The following FOCAD variants were observed in gnomAD, a reference collection of about 807,000 sequenced individuals.
FOCAD encodes the protein KIAA1797.
FOCAD carries 198 observed loss-of-function variants against 225.6 expected under a neutral mutation model. The ratio of observed to expected loss-of-function variants is 0.88; its 90% CI spans 0.78 to 0.99. FOCAD has a LOEUF of 0.99. Ranked by LOEUF, FOCAD falls within the 50% of genes least tolerant of loss-of-function variation. The probability of loss-of-function intolerance (pLI) is 0.00; values close to 1 mark genes in which losing one functional copy is unlikely to be tolerated. For missense variants in FOCAD, 2,713 were observed against 2,123.6 expected (o/e 1.28, Z -5.46); for synonymous variants, 897 against 755.0 (o/e 1.19, Z -3.08).
chr9:20,935,771 T>A (rs1020613270), intron 28 of FOCAD, among the ~76,000 whole-genome samples: 1 of 152,182 alleles, frequency 6.6e-6, no homozygotes, highest in Admixed American at 6.5e-5. Context: ...GACCGATGAT[T>A]TATGTTTCCC....
At chr9:20,832,095 G>A (rs1475909475) in intron 15 of FOCAD, among the ~76,000 whole-genome samples, 2 of 151,780 alleles carry the variant, frequency 1.3e-5, no homozygotes, top group African/African-American at 4.9e-5. Context: ...ATGAACATTT[G>A]GCTTTTTTCC....
rs752676826 is a variant in FOCAD, at chr9:20,781,735, C to A, written c.1003C>A (p.Leu335Ile). 139 of 1,613,076 alleles carry A rather than the reference C, an allele frequency of 8.6e-5. No individual in the cohort carries two copies. The highest frequency in any genetic ancestry group is 1.2e-4 in the Non-Finnish European group (136 of 1,179,646). ...ATTGTTTTGATGAATAGCTTTGAAG[C>A]TCCTCTCTGTTACTGAGGATCAGAA... ...QKPILNLALKLLSVTEDQKIP... is the reference protein window; with the variant it reads ...QKPILNLALKILSVTEDQKIP... Residue 335 changes from leucine to isoleucine, a missense_variant, in exon 10 of 44, where the codon CTC (leucine) becomes ATC (isoleucine). Transcript: ENST00000338382.
chr9:20,719,983 A>C (rs1473457209), intron 3 of FOCAD, among the ~76,000 whole-genome samples: 1 of 152,092 alleles, frequency 6.6e-6, no homozygotes, highest in Non-Finnish European at 1.5e-5. Context: ...TGTTATTGTC[A>C]TTGAAGGCTT....
intron 37 of FOCAD, among the ~76,000 whole-genome samples, chr9:20,979,800 C>G (rs1012741687): frequency 6.6e-6 from 1 of 152,176 alleles, no homozygotes; most frequent in Non-Finnish European, 1.5e-5. Flanking sequence ...TTGCTGTGCA[C>G]CTGGTACCTG....
rs76332020 is a variant in FOCAD, at chr9:20,715,797, T to G, written c.57+387T>G. ...AGACATATCCTACCCCTTATATAGA[T>G]TTTTATAATAATGATATTTAATAAG... On this transcript the variant is annotated intron_variant, in intron 2 of 43. Coordinates refer to ENST00000338382, the MANE Select transcript of FOCAD (RefSeq NM_001375567.1). Among the ~76,000 whole-genome samples, 460 of 152,210 alleles carry G rather than the reference T, an allele frequency of 3.0e-3. 2 individuals carry two copies. The highest frequency in any genetic ancestry group is 0.01 in the African/African-American group (431 of 41,558).
At chr9:20,958,773 A>T (rs1224868974) in intron 35 of FOCAD, among the ~76,000 whole-genome samples, 1 of 152,098 alleles carries the variant, frequency 6.6e-6, no homozygotes, top group Non-Finnish European at 1.5e-5. Flanking sequence ...TCCACATATG[A>T]GTGAGAACAT....
At chr9:20,912,081 T>C (rs1263382535) in intron 22 of FOCAD, among the ~76,000 whole-genome samples, 1 of 152,140 alleles carries the variant, frequency 6.6e-6, no homozygotes, top group Non-Finnish European at 1.5e-5. Context: ...TGTTTACTGC[T>C]TGTGATATGT....
chr9:20,829,442 C>T (rs1015721290), intron 15 of FOCAD, among the ~76,000 whole-genome samples: 5 of 151,798 alleles, frequency 3.3e-5, no homozygotes, highest in Admixed American at 6.6e-5. Flanking sequence ...TATAGCCATC[C>T]TAATGAGTGT....
intron 4 of FOCAD, among the ~76,000 whole-genome samples, chr9:20,735,493 C>T (rs1009236005): frequency 6.6e-6 from 1 of 151,054 alleles, no homozygotes; most frequent in South Asian, 2.1e-4. Flanking sequence ...TCCGCCTCCC[C>T]TCCCCTCCCT....
At chr9:20,830,615 A>G (rs1825385393) in intron 15 of FOCAD, among the ~76,000 whole-genome samples, 3 of 152,084 alleles carry the variant, frequency 2.0e-5, no homozygotes, top group Admixed American at 2.0e-4. Context: ...CTTTCCGTTG[A>G]ATGAAAATAT....
At chr9:20,986,266 A>ATTTGTTTTTTTTTTTTTTTTTTTTT in intron 39 of FOCAD, 22 bp from the exon 40 acceptor site, 1 of 705,686 alleles carries the variant, frequency 1.4e-6, no homozygotes, top group South Asian at 2.9e-5. Flanking sequence ...TAACTAAACA[A>ATTTGTTTTTTTTTTTTTTTTTTTTT]TTTTTTTTTT....
At position 20,949,047 on chromosome 9, in the gene FOCAD, T is replaced by C. The variant is rs1837449371; in HGVS notation, c.3876+119T>C. ...AAGGATTTATGCTCATGGTAATAGT[T>C]ACACCAGACTTTTTAATGCCTTGCT... On this transcript the variant is annotated intron_variant, in intron 32 of 43. Coordinates refer to ENST00000338382, the MANE Select transcript of FOCAD (RefSeq NM_001375567.1). The C allele has an allele frequency of 4.8e-6, 4 of 839,298 alleles. No individual in the cohort carries two copies. The East Asian group carries it at 1.0e-4, about 22-fold the overall frequency. The allele number at this position is 839,298 out of a possible 1,614,324, so 52.0% of individuals were successfully genotyped here.
intron 5 of FOCAD, among the ~76,000 whole-genome samples, chr9:20,747,974 G>C (rs1170635953): frequency 6.6e-6 from 1 of 151,422 alleles, no homozygotes; most frequent in Non-Finnish European, 1.5e-5. Context: ...TAATGATGTT[G>C]CTCATCCTCT....
At chr9:20,888,670 A>T (rs991416207) in intron 21 of FOCAD, among the ~76,000 whole-genome samples, 2 of 152,066 alleles carry the variant, frequency 1.3e-5, no homozygotes, top group Non-Finnish European at 2.9e-5. Flanking sequence ...TAATGCCTAC[A>T]TGTTGCGGTA....
chr9:20,929,801 A>G (rs1239100140), intron 27 of FOCAD, among the ~76,000 whole-genome samples: 1 of 152,148 alleles, frequency 6.6e-6, no homozygotes, highest in Non-Finnish European at 1.5e-5. Flanking sequence ...AATGTATTTT[A>G]AGGGTTGCTA....
At chr9:20,855,789 A>G (rs567247077) in intron 15 of FOCAD, among the ~76,000 whole-genome samples, 1 of 134,996 alleles carries the variant, frequency 7.4e-6, no homozygotes, top group Non-Finnish European at 1.6e-5. Flanking sequence ...TTTTACCCCT[A>G]TATTCTTTTT....
intron 7 of FOCAD, among the ~76,000 whole-genome samples, chr9:20,766,228 T>A (rs1432317574): frequency 6.6e-6 from 1 of 152,216 alleles, no homozygotes; most frequent in East Asian, 1.9e-4. Context: ...TCTGGGAATC[T>A]GTGGCTTTTT....
intron 19 of FOCAD, among the ~76,000 whole-genome samples, chr9:20,880,359 T>C (rs905321268): frequency 2.0e-4 from 30 of 152,104 alleles, no homozygotes; most frequent in African/African-American, 7.2e-4. Flanking sequence ...GCCAAGACTT[T>C]CAGAAGAGGA....
chr9:20,990,385 CA>C lies in FOCAD; in HGVS notation c.5256+12del. ...GAACAGACCCAGAAGGTGAGGCTGG[CA>C]GCCACCTGCTTAGCAGGGCAGGCAG... On this transcript the variant is annotated intron_variant, in intron 42 of 43. Transcript: ENST00000338382. The C allele has an allele frequency of 6.2e-7, 1 of 1,611,942 alleles. No homozygotes were observed. Among genetic ancestry groups the C allele is most frequent in the African/African-American group, 1.3e-5 (1 of 75,020 alleles).
Sources: gnomAD v4.1 joint callset for allele counts (sites outside exome capture counted in the v4.1 genomes callset) on GRCh38, gnomAD v4.1.1 for gene constraint, MANE v1.5 for transcripts, NCBI Gene and HGNC (gene_info 2026-07-23, HGNC 2026-07-21) for gene names.